The following STK33 variants were observed in gnomAD, a reference collection of about 807,000 sequenced individuals.
The protein encoded by STK33 is serine/threonine-protein kinase 33.
STK33 carries 52 observed loss-of-function variants against 58.0 expected under a neutral mutation model. The observed-to-expected ratio is 0.90, with a 90% CI of 0.72 to 1.13. The LOEUF is 1.13. Among genes scored for constraint, STK33 ranks in the 50% most tolerant of loss-of-function variants. The pLI is 0.00. For missense variants in STK33, 630 were observed against 604.2 expected, an observed-to-expected ratio of 1.04 and a Z score of -0.45; for synonymous variants, 215 against 200.1, an observed-to-expected ratio of 1.07 and a Z score of -0.63.
At chr11:8,468,175 A>C (rs980543647) in intron 6 of STK33, among the ~76,000 whole-genome samples, 1 of 152,172 alleles carries the variant, frequency 6.6e-6, no homozygotes, top group Non-Finnish European at 1.5e-5. Flanking sequence ...CGTGGATGGA[A>C]GCAGGCAAAG....
chr11:8,359,738 TG>T, the STK33 span, among the ~76,000 whole-genome samples: 1 of 152,218 alleles, frequency 6.6e-6, no homozygotes, highest in Non-Finnish European at 1.5e-5. Flanking sequence ...TGAGGGGATG[TG>T]GCCTGTGTCC....
In STK33 at chr11:8,462,472, C is replaced by CACACACACAT. The variant is rs541126483; in HGVS notation, c.454-564_454-563insATGTGTGTGT. On this transcript the variant is annotated intron_variant, in intron 7 of 15. Coordinates refer to ENST00000687296, the MANE Select transcript of STK33 (RefSeq NM_001352389.2). ...ACACACACACACACACACACACACA[C>CACACACACAT]ATATATATATATATGTATGTATGAA... Among the ~76,000 whole-genome samples the CACACACACAT allele has an allele frequency of 1.4e-4, 20 of 141,918 alleles. 1 individual carries two copies. The highest frequency in any genetic ancestry group is 9.0e-4 in the South Asian group (4 of 4,438). The allele number at this position is 141,918 out of a possible 152,430, so 93.1% of individuals were successfully genotyped here.
chr11:8,440,630 T>G, intron 12 of STK33, 48 bp downstream of exon 12: 9 of 1,477,790 alleles, frequency 6.1e-6, no homozygotes, highest in Non-Finnish European at 8.3e-6. Context: ...ACTCTACTGT[T>G]AGAAACTATC....
At chr11:8,474,193 G>A (rs969958512) in intron 5 of STK33, among the ~76,000 whole-genome samples, 5 of 151,530 alleles carry the variant, frequency 3.3e-5, no homozygotes, top group African/African-American at 9.7e-5. Context: ...AAAAAATGAT[G>A]AATACATCGA....
intron 14 of STK33, among the ~76,000 whole-genome samples, chr11:8,416,535 T>C (rs1395714001): frequency 6.6e-6 from 1 of 152,172 alleles, no homozygotes; most frequent in Non-Finnish European, 1.5e-5. Flanking sequence ...ATTGAGATCA[T>C]TTTTTCACAG....
At chr11:8,450,029 T>C (rs1439570859) in intron 11 of STK33, among the ~76,000 whole-genome samples, 1 of 152,138 alleles carries the variant, frequency 6.6e-6, no homozygotes, top group African/African-American at 2.4e-5. Flanking sequence ...GAAATACCAT[T>C]TGACCCAGCA....
chr11:8,520,694 C>A (rs1020415263), intron 1 of STK33, among the ~76,000 whole-genome samples: 1 of 151,404 alleles, frequency 6.6e-6, no homozygotes, highest in Admixed American at 6.6e-5. Context: ...TTCCTATATA[C>A]CAATAACAGA....
chr11:8,454,670 A>C, intron 10 of STK33, 74 bp downstream of exon 10: 2 of 1,461,444 alleles, frequency 1.4e-6, no homozygotes, highest in Non-Finnish European at 1.8e-6. Flanking sequence ...CATGTGTCTA[A>C]AAAGAGGATG....
At chr11:8,430,531 A>G (rs187103577) in intron 14 of STK33, among the ~76,000 whole-genome samples, 3 of 152,340 alleles carry the variant, frequency 2.0e-5, no homozygotes, top group South Asian at 2.1e-4. Flanking sequence ...TAAATCTCAT[A>G]AAGTTTTAAG....
chr11:8,513,696 AGTAG>A (rs1228740856), intron 1 of STK33, among the ~76,000 whole-genome samples: 1 of 152,076 alleles, frequency 6.6e-6, no homozygotes, highest in African/African-American at 2.4e-5. Flanking sequence ...GGGGGTATAT[AGTAG>A]GTGTATATAT....
chr11:8,365,329 CGG>C, the STK33 span, among the ~76,000 whole-genome samples: 1 of 151,908 alleles, frequency 6.6e-6, no homozygotes, highest in Non-Finnish European at 1.5e-5. Flanking sequence ...AGGAAGCTGA[CGG>C]GGACCTTCCC....
chr11:8,443,125 T>G (rs894459499), intron 11 of STK33, among the ~76,000 whole-genome samples: 1 of 152,196 alleles, frequency 6.6e-6, no homozygotes, highest in Non-Finnish European at 1.5e-5. Flanking sequence ...TTAAAAAATC[T>G]ACTAAAAGTA....
At chr11:8,528,287 C>T (rs1311528572) in intron 1 of STK33, among the ~76,000 whole-genome samples, 1 of 152,164 alleles carries the variant, frequency 6.6e-6, no homozygotes, top group South Asian at 2.1e-4. Context: ...TAAAAAGTTA[C>T]CGTAAGTTGT....
downstream of STK33, among the ~76,000 whole-genome samples, chr11:8,390,251 C>T (rs1184626245): frequency 3.3e-5 from 5 of 152,174 alleles, no homozygotes; most frequent in Non-Finnish European, 7.3e-5. Flanking sequence ...TACTTGAATT[C>T]CTTGAAAATA....
At position 8,582,934 on chromosome 11, in the gene STK33, A is replaced by G. The variant is rs1439374475; in HGVS notation, c.-466+11149T>C. Among the ~76,000 whole-genome samples, 14 of 152,210 alleles carry G rather than the reference A, an allele frequency of 9.2e-5. 1 individual carries two copies. The highest frequency in any genetic ancestry group is 9.2e-4 in the Admixed American group (14 of 15,274). ...CAAAGAATATCTGAGGACATCTGGCACAGCATGAAATTTCTTTCATAGAAG... is the reference window on the plus strand; with the variant it reads ...CAAAGAATATCTGAGGACATCTGGCGCAGCATGAAATTTCTTTCATAGAAG... On this transcript the variant is annotated intron_variant, in intron 1 of 15. Transcript: ENST00000687296.
chr11:8,466,221 T>A (rs1948162404), intron 6 of STK33: 1 of 151,834 alleles, frequency 6.6e-6, no homozygotes, highest in Admixed American at 6.6e-5. Flanking sequence ...TTCCCAACAG[T>A]CCCCCAAAGT....
At chr11:8,535,954 T>C (rs1422477575) in intron 1 of STK33, among the ~76,000 whole-genome samples, 3 of 152,184 alleles carry the variant, frequency 2.0e-5, no homozygotes, top group Non-Finnish European at 4.4e-5. Context: ...TGCAGCAATA[T>C]GGACATAACT....
chr11:8,591,772 G>A (rs186074015), intron 1 of STK33, among the ~76,000 whole-genome samples: 1 of 151,606 alleles, frequency 6.6e-6, no homozygotes, highest in East Asian at 2.0e-4. Context: ...ACTCATAGGT[G>A]GGAATTGAAG....
intron 1 of STK33, among the ~76,000 whole-genome samples, chr11:8,533,806 T>C (rs1205336335): frequency 6.6e-6 from 1 of 152,216 alleles, no homozygotes; most frequent in African/African-American, 2.4e-5. Context: ...ATGGTTTCTC[T>C]GGTAACCCTG....
Sources: gnomAD v4.1 joint callset for allele counts (sites outside exome capture counted in the v4.1 genomes callset) on GRCh38, gnomAD v4.1.1 for gene constraint, MANE v1.5 for transcripts, NCBI Gene and HGNC (gene_info 2026-07-23, HGNC 2026-07-21) for gene names.